The following NOS1 variants were observed in gnomAD, a reference collection of about 807,000 sequenced individuals.
NOS1 encodes nitric oxide synthase 1, also known as NOS type I.
A neutral mutation model predicts 164.5 loss-of-function variants in NOS1; 51 were observed. That is an observed-to-expected ratio of 0.31 (90% CI 0.25 to 0.39). NOS1 has a LOEUF of 0.39. Among genes scored for constraint, NOS1 ranks in the 10% least tolerant of loss-of-function variants. The pLI is 1.00. For synonymous variants in NOS1, 719 were observed against 745.8 expected, an observed-to-expected ratio of 0.96 and a Z score of 0.59; for missense variants, 1,362 against 1,885.6, an observed-to-expected ratio of 0.72 and a Z score of 5.14.
At chr12:117,354,139 T>C (rs945996599) in intron 1 of NOS1, among the ~76,000 whole-genome samples, 12 of 152,200 alleles carry the variant, frequency 7.9e-5, no homozygotes, top group Admixed American at 7.9e-4. Flanking sequence ...AGAGATATCA[T>C]GCTTTCTGAA....
At chr12:117,273,029 T>C (rs541899676) in intron 9 of NOS1, among the ~76,000 whole-genome samples, 2 of 152,252 alleles carry the variant, frequency 1.3e-5, no homozygotes, top group African/African-American at 4.8e-5. Flanking sequence ...CCTGGGACCT[T>C]CTCCCTTCCT....
Position 117,272,520 on chromosome 12 carries a change from G to A in NOS1, c.1704C>T (p.Gly568=), listed in dbSNP as rs1226152695. ...WFKDLGLKWY[G]LPAVSNMLLE... The stretch of plus-strand genomic sequence containing the variant: ...GGAGCATGTTGGACACGGCGGGGAG[G>A]CCGTACCACTTCAGCCCCAGGTCCT... The change falls in exon 10 of 29, where the codon GGC becomes GGT. Residue 568 remains glycine, a synonymous_variant. Coordinates refer to ENST00000317775, the MANE Select transcript of NOS1 (RefSeq NM_000620.5). The surrounding 1 kb of genome is among the most constrained non-coding windows in gnomAD (Gnocchi z 4.3). 1 of 1,614,172 alleles carries A rather than the reference G, an allele frequency of 6.2e-7. No individual in the cohort carries two copies. Among genetic ancestry groups the A allele is most frequent in the Non-Finnish European group, 8.5e-7 (1 of 1,180,026 alleles).
intron 7 of NOS1, among the ~76,000 whole-genome samples, chr12:117,283,056 A>ATTTTTT (rs201451951): frequency 5.4e-5 from 5 of 92,954 alleles, no homozygotes; most frequent in African/African-American, 1.8e-4. Context: ...ATATATATAT[A>ATTTTTT]TTTTTTTTTT....
intron 20 of NOS1, among the ~76,000 whole-genome samples, chr12:117,237,138 G>T (rs749097176): frequency 2.0e-5 from 3 of 152,112 alleles, no homozygotes; most frequent in Admixed American, 2.0e-4. Flanking sequence ...TGTAAGTAGA[G>T]AATTTTTAGC....
chr12:117,264,323 A>G (rs1376335604), intron 12 of NOS1, among the ~76,000 whole-genome samples: 1 of 152,020 alleles, frequency 6.6e-6, no homozygotes, highest in Admixed American at 6.6e-5. Context: ...CCCAGGCAGG[A>G]GTGCAGTGGT....
At chr12:117,302,086 C>T (rs1445255833) in intron 3 of NOS1, 1 of 456,658 alleles carries the variant, frequency 2.2e-6, no homozygotes, top group South Asian at 1.5e-5. Context: ...AAAATGGAGA[C>T]AATCACAGTA....
rs1875538242 is a variant in NOS1 at position 117,331,353 on chromosome 12, C to T, written c.-284G>A. On this transcript the variant is annotated 5_prime_UTR_variant, in exon 2 of 29. Coordinates refer to ENST00000317775, the MANE Select transcript of NOS1 (RefSeq NM_000620.5). ...CGTCAAGAGAGGCGGTGGGACGTGT[C>T]CCTAAGGTCAGGCAGAAAGGGGAGG... 2.3e-6 allele frequency: 1 copy of T among 439,664 alleles called. No individual in the cohort carries two copies. Among genetic ancestry groups the T allele is most frequent in the Admixed American group, 3.6e-5 (1 of 28,156 alleles). 27.2% of individuals were successfully genotyped at this position (439,664 alleles called of 1,614,324 possible).
At chr12:117,302,467 G>A (rs149023810) in intron 3 of NOS1, among the ~76,000 whole-genome samples, 3,555 of 151,918 alleles carry the variant, frequency 0.023, 105 homozygotes, top group East Asian at 0.073. Flanking sequence ...GGTGGCGGGC[G>A]CCTGTAGTCC....
At chr12:117,241,085 C>T (rs1220748335) in intron 20 of NOS1, among the ~76,000 whole-genome samples, 1 of 151,548 alleles carries the variant, frequency 6.6e-6, no homozygotes, top group Non-Finnish European at 1.5e-5. Context: ...GATTATAGGC[C>T]CCCACAACCA....
rs200972861 is a variant in NOS1 at position 117,256,017 on chromosome 12, A to C, written c.2532-2263T>G. 4.9e-4 allele frequency: 718 copies of C among 1,456,874 alleles called. 1 individual carries two copies. Among genetic ancestry groups the C allele is most frequent in the South Asian group, 1.1e-3 (75 of 66,498 alleles). The allele number at this position is 1,456,874 out of a possible 1,614,324, so 90.2% of individuals were successfully genotyped here. A position where few individuals can be genotyped will look rare whatever the true frequency, so the allele number is the denominator to read the frequency against. ...GAGGGGAGGCCCTTTACGGGGAAAG[A>C]AACGCAAGGGTTCCGGGTACCTAGA... On this transcript the variant is annotated intron_variant, in intron 16 of 28. Transcript: ENST00000317775.
At chr12:117,333,533 G>C (rs1455113403) in intron 1 of NOS1, among the ~76,000 whole-genome samples, 1 of 152,140 alleles carries the variant, frequency 6.6e-6, no homozygotes, top group Non-Finnish European at 1.5e-5. Flanking sequence ...CCCTCAATGG[G>C]GGGGTGTGTG....
intron 17 of NOS1, among the ~76,000 whole-genome samples, chr12:117,251,323 C>G (rs181652201): frequency 4.3e-4 from 66 of 152,108 alleles, no homozygotes; most frequent in African/African-American, 1.3e-3. Flanking sequence ...GACCAAGGCT[C>G]CCAACTCTTG....
At chr12:117,274,769 CAAAA>C (rs71099039) in intron 9 of NOS1, among the ~76,000 whole-genome samples, 2 of 77,018 alleles carry the variant, frequency 2.6e-5, no homozygotes, top group African/African-American at 1.1e-4. Context: ...CTCCGTCTCA[CAAAA>C]AAAAAAAAAA....
intron 2 of NOS1, among the ~76,000 whole-genome samples, chr12:117,322,538 T>C: frequency 8.3e-6 from 1 of 120,198 alleles, no homozygotes; most frequent in Non-Finnish European, 1.7e-5. Context: ...CTTCCCTCTC[T>C]CCTTCTTTCC....
At chr12:117,227,394 A>G in intron 23 of NOS1, 37 bp downstream of exon 23, 1 of 1,604,448 alleles carries the variant, frequency 6.2e-7, no homozygotes, top group Non-Finnish European at 8.5e-7. Context: ...TTGGGGGAAA[A>G]TGCAGCTGAG....
At chr12:117,257,607 CTTTTTTTTTTT>C (rs151304592) in intron 16 of NOS1, among the ~76,000 whole-genome samples, 10 of 99,128 alleles carry the variant, frequency 1.0e-4, no homozygotes, top group Non-Finnish European at 5.6e-5. Context: ...TTGATTTTAG[CTTTTTTTTTTT>C]TTTTTTTTTT....
At chr12:117,353,939 A>G (rs2136096650) in intron 1 of NOS1, among the ~76,000 whole-genome samples, 1 of 152,318 alleles carries the variant, frequency 6.6e-6, no homozygotes, top group South Asian at 2.1e-4. Context: ...ACCTCTACAA[A>G]AGCAAAACAA....
intron 17 of NOS1, among the ~76,000 whole-genome samples, chr12:117,250,080 A>G (rs1486963596): frequency 6.6e-6 from 1 of 152,116 alleles, no homozygotes; most frequent in Non-Finnish European, 1.5e-5. Context: ...ATGGTAACAG[A>G]TTGAGATGGG....
chr12:117,292,792 G>T (rs922833633), intron 3 of NOS1, among the ~76,000 whole-genome samples: 2 of 152,178 alleles, frequency 1.3e-5, no homozygotes, highest in Admixed American at 6.5e-5. Context: ...TGCCAGGTGA[G>T]GCAGCAGAGA....
Sources: gnomAD v4.1 joint callset for allele counts (sites outside exome capture counted in the v4.1 genomes callset) on GRCh38, gnomAD v4.1.1 for gene constraint, Gnocchi (gnomAD v3.1) non-coding constraint, MANE v1.5 for transcripts, NCBI Gene and HGNC (gene_info 2026-07-23, HGNC 2026-07-21) for gene names.